Variants in EPB41 observed in about 807,000 individuals in gnomAD.
The protein encoded by EPB41 is protein 4.1.
EPB41 carries 65 observed loss-of-function variants against 108.0 expected under a neutral mutation model. That is an observed-to-expected ratio of 0.60 (90% CI 0.49 to 0.74). The LOEUF (loss-of-function observed/expected upper bound fraction) is 0.74. EPB41 is among the 30% of genes least tolerant of loss of function. The pLI is 0.00. For synonymous variants in EPB41, 336 were observed against 358.9 expected, an observed-to-expected ratio of 0.94 and a Z score of 0.72; for missense variants, 875 against 1,037.0, an observed-to-expected ratio of 0.84 and a Z score of 2.15.
chr1:29,079,363 GA>G (rs919658627), intron 16 of EPB41, among the ~76,000 whole-genome samples: 25 of 151,776 alleles, frequency 1.6e-4, no homozygotes, highest in African/African-American at 5.6e-4. Flanking sequence ...ATAAATTTAA[GA>G]TTGGGTATCT....
intron 8 of EPB41, 117 bp from the exon 9 acceptor site, chr1:29,032,976 T>G: frequency 9.7e-7 from 1 of 1,035,742 alleles, no homozygotes; most frequent in Non-Finnish European, 1.5e-6. Flanking sequence ...TGAGCTTTAT[T>G]TTTCATTGTA....
At chr1:28,938,782 A>C (rs1358124636) in intron 1 of EPB41, among the ~76,000 whole-genome samples, 2 of 152,150 alleles carry the variant, frequency 1.3e-5, no homozygotes, top group Non-Finnish European at 2.9e-5. Flanking sequence ...CTAGGATTAC[A>C]GGCATGAGCC....
rs190139524 is a variant in EPB41 at position 28,888,868 on chromosome 1, C to A, written c.-8+1658C>A. On this transcript the variant is annotated intron_variant, in intron 1 of 16. Coordinates refer to the EPB41 transcript ENST00000347529. ...GGTCTCGATCTCCTGACCTCGTGAT[C>A]CACCCACCTCGGCCTCCCAAAGTGC... Among the ~76,000 whole-genome samples the A allele has an allele frequency of 2.8e-4, 43 of 152,146 alleles. 1 individual carries two copies. In the East Asian group the frequency reaches 7.0e-3, roughly 25 times the overall value.
chr1:29,084,594 G>GT (rs1422085932), intron 16 of EPB41, among the ~76,000 whole-genome samples: 1 of 152,228 alleles, frequency 6.6e-6, no homozygotes, highest in East Asian at 1.9e-4. Context: ...AGGAGCAAAT[G>GT]TGTGGGTAAT....
chr1:28,969,448 T>C (rs2095441428), intron 1 of EPB41, among the ~76,000 whole-genome samples: 1 of 152,154 alleles, frequency 6.6e-6, no homozygotes, highest in Non-Finnish European at 1.5e-5. Flanking sequence ...TGTTTGACTG[T>C]GACCTCTTTT....
intron 1 of EPB41, among the ~76,000 whole-genome samples, chr1:28,979,356 C>T (rs1384762624): frequency 1.3e-5 from 2 of 151,470 alleles, no homozygotes; most frequent in East Asian, 3.9e-4. Context: ...GTTTTGAAGA[C>T]CATACAAGAA....
intron 1 of EPB41, among the ~76,000 whole-genome samples, chr1:28,916,052 T>C (rs2148101519): frequency 6.6e-6 from 1 of 152,338 alleles, no homozygotes; most frequent in Non-Finnish European, 1.5e-5. Context: ...TGATGTACTC[T>C]TCATTTTCCT....
At chr1:29,066,411 TCC>T (rs1333395511) in intron 16 of EPB41, among the ~76,000 whole-genome samples, 3 of 151,896 alleles carry the variant, frequency 2.0e-5, no homozygotes, top group African/African-American at 7.3e-5. Context: ...AGAGTGAGAC[TCC>T]GTCTCAAAAA....
At chr1:28,924,210 G>GA (rs2093311551) in intron 1 of EPB41, among the ~76,000 whole-genome samples, 1 of 152,210 alleles carries the variant, frequency 6.6e-6, no homozygotes, top group African/African-American at 2.4e-5. Flanking sequence ...GAATGCAAAT[G>GA]CAGTAGACAG....
At chr1:29,022,417 G>A (rs2096658291) in intron 7 of EPB41, among the ~76,000 whole-genome samples, 1 of 149,148 alleles carries the variant, frequency 6.7e-6, no homozygotes, top group East Asian at 2.0e-4. Flanking sequence ...AAGTTTTAGT[G>A]TAATACCAGA....
Position 28,892,040 on chromosome 1 carries a change from C to G in EPB41, c.-8+4830C>G, listed in dbSNP as rs902731866. Among the ~76,000 whole-genome samples the G allele has an allele frequency of 3.8e-5, 5 of 129,924 alleles. No individual in the cohort carries two copies. In the Admixed American group the frequency reaches 5.3e-4, roughly 14 times the overall value. The allele number at this position is 129,924 out of a possible 152,430, so 85.2% of individuals were successfully genotyped here. ...CCGAGGAGGCGGAGGTTGCAGTGAG[C>G]CAAGATCGTGCCACTGCACTCCAGC... is the stretch of plus-strand genomic sequence containing the variant. On this transcript the variant is annotated intron_variant, in intron 1 of 16. Transcript: ENST00000347529.
At chr1:29,052,316 C>T (rs1282522736) in intron 11 of EPB41, among the ~76,000 whole-genome samples, 1 of 152,134 alleles carries the variant, frequency 6.6e-6, no homozygotes. Context: ...AAAATGTCTC[C>T]GGACATTGCC....
chr1:29,021,496 C>T (rs577548082), intron 7 of EPB41, among the ~76,000 whole-genome samples: 58 of 152,194 alleles, frequency 3.8e-4, no homozygotes, highest in Non-Finnish European at 7.4e-4. Flanking sequence ...ACACACAAAG[C>T]ATTTTTGCTG....
At chr1:28,992,372 T>G (rs766026794) in intron 2 of EPB41, among the ~76,000 whole-genome samples, 1 of 152,076 alleles carries the variant, frequency 6.6e-6, no homozygotes, top group Non-Finnish European at 1.5e-5. Context: ...GTCGGTAGTT[T>G]TGTTGTGTTG....
At chr1:28,991,992 A>C (rs1371863452) in intron 2 of EPB41, among the ~76,000 whole-genome samples, 1 of 152,194 alleles carries the variant, frequency 6.6e-6, no homozygotes, top group Admixed American at 6.5e-5. Context: ...TATTATTATA[A>C]AACAGACATG....
intron 1 of EPB41, among the ~76,000 whole-genome samples, chr1:28,964,622 T>TA (rs1379319154): frequency 6.8e-6 from 1 of 147,178 alleles, no homozygotes; most frequent in Non-Finnish European, 1.5e-5. Flanking sequence ...AATAAATAAA[T>TA]AAATAAAATA....
At chr1:29,043,463 C>T (rs958343813) in intron 11 of EPB41, among the ~76,000 whole-genome samples, 1 of 152,226 alleles carries the variant, frequency 6.6e-6, no homozygotes, top group African/African-American at 2.4e-5. Flanking sequence ...ATATCCAGTT[C>T]AGCAGCCAAT....
intron 7 of EPB41, among the ~76,000 whole-genome samples, chr1:29,021,428 A>G (rs2096643326): frequency 6.6e-6 from 1 of 152,148 alleles, no homozygotes; most frequent in South Asian, 2.1e-4. Context: ...AAAAGTATTA[A>G]TTTTATTAAG....
At chr1:29,014,094 A>C (rs2096545942) in intron 5 of EPB41, among the ~76,000 whole-genome samples, 1 of 151,932 alleles carries the variant, frequency 6.6e-6, no homozygotes, top group South Asian at 2.1e-4. Context: ...AGGCAGGTGG[A>C]TCACCTGAGG....
Sources: gnomAD v4.1 joint callset for allele counts (sites outside exome capture counted in the v4.1 genomes callset) on GRCh38, gnomAD v4.1.1 for gene constraint, MANE v1.5 for transcripts, NCBI Gene and HGNC (gene_info 2026-07-23, HGNC 2026-07-21) for gene names.